FNDC3A: variants seen among roughly 807,000 people sequenced by gnomAD.
FNDC3A encodes the protein fibronectin type III domain containing 3A, also known as fibronectin type-III domain-containing protein 3A.
A neutral mutation model predicts 148.9 loss-of-function variants in FNDC3A; 32 were observed. The observed-to-expected ratio is 0.21, with a 90% CI of 0.16 to 0.29. The LOEUF (loss-of-function observed/expected upper bound fraction) is 0.29, where lower values mean the gene tolerates loss of function less well. Among genes scored for constraint, FNDC3A ranks in the 10% least tolerant of loss-of-function variants. The pLI is 1.00. For synonymous variants in FNDC3A, 472 were observed against 473.6 expected (o/e 1.00, Z 0.04); for missense variants, 1,191 against 1,452.8 (o/e 0.82, Z 2.93).
chr13:49,019,594 G>T (rs1325318986), intron 2 of FNDC3A, among the ~76,000 whole-genome samples: 1 of 152,210 alleles, frequency 6.6e-6, no homozygotes, highest in Non-Finnish European at 1.5e-5. Flanking sequence ...CTGTAGACCG[G>T]AGCTGTTCCT....
intron 3 of FNDC3A, among the ~76,000 whole-genome samples, chr13:49,088,871 T>C (rs1416907104): frequency 6.6e-6 from 1 of 152,204 alleles, no homozygotes; most frequent in Admixed American, 6.5e-5. Flanking sequence ...CAGCAGTGTT[T>C]TCTGATGTGT....
intron 3 of FNDC3A, among the ~76,000 whole-genome samples, chr13:49,081,626 G>C (rs956517095): frequency 3.3e-5 from 5 of 152,144 alleles, no homozygotes; most frequent in African/African-American, 1.2e-4. Context: ...ACTTATATCT[G>C]TGGAACCATA....
rs957637585 is a variant in FNDC3A at position 49,084,533 on chromosome 13, T to C, written c.175+9169T>C. ...TGAGCCACAGATATCACCTGGGTGA[T>C]GATCATTTGACCAAAAATTCTGGGT... On this transcript the variant is annotated intron_variant, in intron 3 of 25. Transcript: ENST00000492622. Among the ~76,000 whole-genome samples, 3 of 152,234 alleles carry C rather than the reference T, an allele frequency of 2.0e-5. 1 individual carries two copies. The highest frequency in any genetic ancestry group is 2.0e-4 in the Admixed American group (3 of 15,276).
intron 4 of FNDC3A, 139 bp downstream of exon 4, chr13:49,114,870 C>G (rs1880831359): frequency 2.9e-6 from 2 of 681,554 alleles, no homozygotes; most frequent in South Asian, 3.8e-5. Context: ...AAATCTATTT[C>G]AAGTATTTTA....
intron 8 of FNDC3A, among the ~76,000 whole-genome samples, chr13:49,159,945 G>C (rs1252749009): frequency 2.0e-5 from 3 of 152,204 alleles, no homozygotes; most frequent in Non-Finnish European, 2.9e-5. Flanking sequence ...CGTTGAACAA[G>C]CCTTGCATCC....
intron 5 of FNDC3A, 77 bp downstream of exon 5, chr13:49,131,451 T>A: frequency 9.3e-7 from 1 of 1,075,924 alleles, no homozygotes; most frequent in Non-Finnish European, 1.4e-6. Flanking sequence ...CATTATCATA[T>A]CACATTAAAA....
intron 3 of FNDC3A, among the ~76,000 whole-genome samples, chr13:49,078,416 C>T (rs967307728): frequency 4.6e-5 from 7 of 152,182 alleles, no homozygotes; most frequent in African/African-American, 1.7e-4. Context: ...CATTTCTCTG[C>T]TTCAGTGGGA....
intron 16 of FNDC3A, chr13:49,187,690 C>T (rs1244252074): frequency 1.1e-5 from 17 of 1,541,910 alleles, no homozygotes; most frequent in Middle Eastern, 4.7e-4. Context: ...GGAAGCTCTG[C>T]GAAAGGCACA....
At chr13:49,067,041 G>T (rs1877314211) in intron 2 of FNDC3A, among the ~76,000 whole-genome samples, 1 of 152,080 alleles carries the variant, frequency 6.6e-6, no homozygotes, top group Non-Finnish European at 1.5e-5. Context: ...GACTAGAGTG[G>T]CTTATAATAG....
intron 3 of FNDC3A, among the ~76,000 whole-genome samples, chr13:49,105,153 C>G (rs1180809056): frequency 6.6e-6 from 1 of 152,040 alleles, no homozygotes; most frequent in Admixed American, 6.6e-5. Context: ...AAAATAAGAT[C>G]AAAGTGAGAT....
chr13:49,047,820 A>C (rs1937182), intron 2 of FNDC3A, among the ~76,000 whole-genome samples: 1 of 152,206 alleles, frequency 6.6e-6, no homozygotes, highest in Non-Finnish European at 1.5e-5. Flanking sequence ...ATTAACCCTT[A>C]TTTTTATTGC....
intron 4 of FNDC3A, among the ~76,000 whole-genome samples, chr13:49,124,359 G>A (rs1881557434): frequency 1.3e-5 from 2 of 152,020 alleles, no homozygotes; most frequent in South Asian, 4.1e-4. Flanking sequence ...GGAGCTAGGG[G>A]AGGGATAGCA....
At chr13:49,002,893 C>G (rs553370668) in intron 1 of FNDC3A, among the ~76,000 whole-genome samples, 82 of 152,230 alleles carry the variant, frequency 5.4e-4, no homozygotes, top group African/African-American at 1.9e-3. Flanking sequence ...TTGTATCTAC[C>G]AGGAATCTAA....
At chr13:49,024,483 A>G (rs576128385) in intron 2 of FNDC3A, among the ~76,000 whole-genome samples, 44 of 152,102 alleles carry the variant, frequency 2.9e-4, no homozygotes, top group African/African-American at 6.0e-4. Flanking sequence ...TCAACAAAAT[A>G]CTATGTAACA....
intron 1 of FNDC3A, among the ~76,000 whole-genome samples, chr13:48,995,435 G>A (rs1218061178): frequency 6.6e-6 from 1 of 151,858 alleles, no homozygotes; most frequent in East Asian, 1.9e-4. Flanking sequence ...AGAAAGAAAA[G>A]CAAGGAACTA....
chr13:49,063,064 AATT>A (rs1316476986), intron 2 of FNDC3A, among the ~76,000 whole-genome samples: 1 of 152,116 alleles, frequency 6.6e-6, no homozygotes, highest in Non-Finnish European at 1.5e-5. Context: ...TTGTTACAGA[AATT>A]ATTAGTAATT....
chr13:49,110,880 T>C (rs1880521964), intron 3 of FNDC3A, among the ~76,000 whole-genome samples: 2 of 152,350 alleles, frequency 1.3e-5, no homozygotes, highest in Non-Finnish European at 2.9e-5. Flanking sequence ...ATGGCACTTT[T>C]TAAGAAGCAG....
At chr13:49,077,719 AAACC>A (rs1878209497) in intron 3 of FNDC3A, among the ~76,000 whole-genome samples, 1 of 152,204 alleles carries the variant, frequency 6.6e-6, no homozygotes. Context: ...TAGGTGCACC[AAACC>A]ACCATGGCAC....
intron 2 of FNDC3A, among the ~76,000 whole-genome samples, chr13:49,059,056 A>T: frequency 6.6e-6 from 1 of 152,246 alleles, no homozygotes; most frequent in Middle Eastern, 3.2e-3. Flanking sequence ...GTTAAAAAGT[A>T]CTCACAAAAT....
Sources: allele counts gnomAD v4.1 joint callset (sites outside exome capture counted in the v4.1 genomes callset), GRCh38; gene constraint gnomAD v4.1.1; transcripts MANE v1.5; gene names NCBI Gene and HGNC (gene_info 2026-07-23, HGNC 2026-07-21).